The following LARGE1 variants were observed in gnomAD, a reference collection of about 807,000 sequenced individuals.
LARGE1 encodes LARGE xylosyl- and glucuronyltransferase 1.
LARGE1 carries 43 observed loss-of-function variants against 87.6 expected under a neutral mutation model. The observed-to-expected ratio is 0.49, with a 90% CI of 0.38 to 0.63. The LOEUF is 0.63. Ranked by LOEUF, LARGE1 falls within the 30% of genes least tolerant of loss-of-function variation. LARGE1 has a pLI of 0.00. For missense variants in LARGE1, 802 were observed against 1,000.2 expected (o/e 0.80, Z 2.67); for synonymous variants, 434 against 394.6 (o/e 1.10, Z -1.18).
chr22:33,334,409 C>CAA (rs529074589), intron 10 of LARGE1, among the ~76,000 whole-genome samples: 23 of 38,948 alleles, frequency 5.9e-4, no homozygotes, highest in African/African-American at 3.6e-3. Flanking sequence ...GACTCTGTCT[C>CAA]AAAAAAAAAA....
chr22:33,592,361 A>G (rs1157908296), intron 5 of LARGE1, among the ~76,000 whole-genome samples: 1 of 151,756 alleles, frequency 6.6e-6, no homozygotes, highest in Non-Finnish European at 1.5e-5. Context: ...CTTAGGCTTT[A>G]TTTCATTTGA....
intron 2 of LARGE1, among the ~76,000 whole-genome samples, chr22:33,718,680 C>T (rs1250150451): frequency 6.6e-6 from 1 of 152,258 alleles, no homozygotes; most frequent in Non-Finnish European, 1.5e-5. Context: ...CCCCTGAAGA[C>T]CTCTCAGTGA....
intron 11 of LARGE1, among the ~76,000 whole-genome samples, chr22:33,217,335 C>T (rs137459): frequency 0.042 from 6,361 of 151,994 alleles, 194 homozygotes; most frequent in Admixed American, 0.088. Flanking sequence ...CAGGTCCTTA[C>T]GTAGTCCAAC....
intron 9 of LARGE1, among the ~76,000 whole-genome samples, chr22:33,363,921 C>A (rs941505837): frequency 1.3e-5 from 2 of 149,430 alleles, no homozygotes; most frequent in African/African-American, 4.9e-5. Context: ...TGGGACTGAG[C>A]GGGATGGTGA....
intron 7 of LARGE1, among the ~76,000 whole-genome samples, chr22:33,400,382 C>T (rs1417023812): frequency 2.0e-5 from 3 of 152,214 alleles, no homozygotes; most frequent in South Asian, 2.1e-4. Flanking sequence ...AACAGCACTG[C>T]AGAGCCATCT....
At chr22:33,154,063 T>C in the LARGE1 span, among the ~76,000 whole-genome samples, 2 of 152,144 alleles carry the variant, frequency 1.3e-5, no homozygotes, top group African/African-American at 4.8e-5. Flanking sequence ...GCCTACAAAA[T>C]GTTGCTTAAT....
intron 9 of LARGE1, among the ~76,000 whole-genome samples, chr22:33,369,757 C>T (rs368337276): frequency 1.4e-4 from 21 of 152,062 alleles, no homozygotes; most frequent in Middle Eastern, 3.4e-3. Flanking sequence ...TTAGTAGAGA[C>T]GGGGTTTCAC....
intron 2 of LARGE1, among the ~76,000 whole-genome samples, chr22:33,727,889 G>A (rs142853790): frequency 9.6e-4 from 146 of 152,244 alleles, no homozygotes; most frequent in African/African-American, 3.3e-3. Flanking sequence ...TGAGATTTGA[G>A]CAGAGCAGGG....
intron 1 of LARGE1, among the ~76,000 whole-genome samples, chr22:33,909,459 C>G (rs1301972816): frequency 6.6e-6 from 1 of 152,144 alleles, no homozygotes; most frequent in Non-Finnish European, 1.5e-5. Context: ...CCACATCCCC[C>G]TGATGAAAAG....
chr22:33,317,700 C>T (rs9609759), intron 10 of LARGE1, among the ~76,000 whole-genome samples: 42,999 of 152,018 alleles, frequency 0.28, 6,876 homozygotes, highest in Non-Finnish European at 0.37. Context: ...CTCATGTGAA[C>T]CCCTACCAGG....
Position 33,274,357 on chromosome 22 carries a change from G to A in LARGE1, c.*70C>T. The A allele has an allele frequency of 6.7e-7, 1 of 1,495,734 alleles. No individual in the cohort carries two copies. The highest frequency in any genetic ancestry group is 9.3e-7 in the Non-Finnish European group (1 of 1,072,580). The allele number at this position is 1,495,734 out of a possible 1,614,324, so 92.7% of individuals were successfully genotyped here. A position where few individuals can be genotyped will look rare whatever the true frequency, so the allele number is the denominator to read the frequency against. ...AGCATGGCTCAATTTTGAATTTGAAGGCCGGGCCCCAAACAGCGAGTGGCA... is the reference window on the plus strand; with the variant it reads ...AGCATGGCTCAATTTTGAATTTGAAAGCCGGGCCCCAAACAGCGAGTGGCA... On this transcript the variant is annotated 3_prime_UTR_variant, in exon 15 of 15. Transcript: ENST00000397394.
intron 1 of LARGE1, among the ~76,000 whole-genome samples, chr22:33,853,436 CA>C (rs1296768787): frequency 1.3e-5 from 2 of 152,134 alleles, no homozygotes; most frequent in Admixed American, 6.5e-5. Flanking sequence ...TAGCCTCATT[CA>C]AAACAGGGGA....
chr22:33,650,491 C>A lies in LARGE1; in HGVS notation c.284G>T (p.Arg95Leu). Reference protein sequence around the residue: ...LAQGRAPSHRRGNHSKTYSME... With the variant: ...LAQGRAPSHRLGNHSKTYSME... ...GGAGTAGGTCTTGGAGTGGTTGCCT[C>A]GGCGATGGGATGGGGCTCGGCCCTG... is the stretch of plus-strand genomic sequence containing the variant. Residue 95 changes from arginine to leucine, a missense_variant, in exon 3 of 15, where the codon CGA (arginine) becomes CTA (leucine). By Grantham distance (102) the Arg-to-Leu change is moderately radical (BLOSUM62 -2). Transcript: ENST00000397394. 1 of 1,613,718 alleles carries A rather than the reference C, an allele frequency of 6.2e-7. No individual in the cohort carries two copies.
intron 12 of LARGE1, among the ~76,000 whole-genome samples, chr22:33,302,645 T>C (rs983816615): frequency 6.6e-6 from 1 of 152,054 alleles, no homozygotes; most frequent in African/African-American, 2.4e-5. Flanking sequence ...AGAAAGATAC[T>C]AAGAGACAGA....
chr22:33,588,510 CGTGTGTGTGTGTGT>C (rs10528247), intron 5 of LARGE1, among the ~76,000 whole-genome samples: 3 of 150,570 alleles, frequency 2.0e-5, no homozygotes, highest in African/African-American at 7.3e-5. Flanking sequence ...TATATGTGTG[CGTGTGTGTGTGTGT>C]GTGTGTGTGT....
At chr22:33,449,132 T>C (rs1049998495) in intron 6 of LARGE1, among the ~76,000 whole-genome samples, 1 of 152,202 alleles carries the variant, frequency 6.6e-6, no homozygotes, top group Non-Finnish European at 1.5e-5. Flanking sequence ...GGATATACCA[T>C]AATTTGAGTG....
At chr22:33,496,374 G>C (rs965593939) in intron 6 of LARGE1, among the ~76,000 whole-genome samples, 1 of 151,998 alleles carries the variant, frequency 6.6e-6, no homozygotes, top group African/African-American at 2.4e-5. Context: ...TAACCATCAC[G>C]GTGAGTGATA....
intron 1 of LARGE1, among the ~76,000 whole-genome samples, chr22:33,775,801 G>A (rs185386810): frequency 4.0e-5 from 6 of 149,030 alleles, no homozygotes; most frequent in South Asian, 2.1e-4. Flanking sequence ...GCAGGGAGCC[G>A]AGATCGCGCC....
chr22:33,788,333 A>G (rs916952815), intron 1 of LARGE1, among the ~76,000 whole-genome samples: 2 of 152,224 alleles, frequency 1.3e-5, no homozygotes, highest in Admixed American at 6.5e-5. Flanking sequence ...CTGTGAGTCC[A>G]TTAAACTTAT....
Sources: gnomAD v4.1 joint callset for allele counts (sites outside exome capture counted in the v4.1 genomes callset) on GRCh38, gnomAD v4.1.1 for gene constraint, MANE v1.5 for transcripts, NCBI Gene and HGNC (gene_info 2026-07-23, HGNC 2026-07-21) for gene names.